The following SLC24A2 variants were observed in gnomAD, a reference collection of about 807,000 sequenced individuals.
SLC24A2 encodes solute carrier family 24 member 2.
A neutral mutation model predicts 62.0 loss-of-function variants in SLC24A2; 36 were observed. The observed-to-expected ratio is 0.58, with a 90% confidence interval of 0.44 to 0.77. SLC24A2 has a LOEUF of 0.77. Ranked by LOEUF, SLC24A2 falls within the 30% of genes least tolerant of loss-of-function variation. SLC24A2 has a pLI of 0.00. For synonymous variants in SLC24A2, 358 were observed against 294.0 expected, an observed-to-expected ratio of 1.22 and a Z score of -2.23; for missense variants, 846 against 817.9, an observed-to-expected ratio of 1.03 and a Z score of -0.42.
At chr9:20,029,018 G>C in the SLC24A2 span, among the ~76,000 whole-genome samples, 1 of 152,126 alleles carries the variant, frequency 6.6e-6, no homozygotes, top group African/African-American at 2.4e-5. Context: ...TGAAAGTTTG[G>C]GTGAACCTCT....
At chr9:20,186,999 A>AT in the SLC24A2 span, among the ~76,000 whole-genome samples, 28 of 152,112 alleles carry the variant, frequency 1.8e-4, no homozygotes, top group Non-Finnish European at 3.4e-4. Context: ...CTCTATGAAG[A>AT]TTTTTTAAAG....
chr9:19,632,255 C>T lies in SLC24A2; in HGVS notation c.931-9956G>A, dbSNP rs1408139224. Reference sequence around the variant, plus strand: ...GTCATAGGGAGTCCAGGCAAATTGTCATTTTATCTATGCCTACCTGGGATG... The same window carrying T: ...GTCATAGGGAGTCCAGGCAAATTGTTATTTTATCTATGCCTACCTGGGATG... On this transcript the variant is annotated intron_variant, in intron 2 of 10. Coordinates refer to ENST00000341998, the MANE Select transcript of SLC24A2 (RefSeq NM_020344.4). This position sits in a 1 kb window ranked among gnomAD's most constrained non-coding sequence, Gnocchi z 4.5. Among the ~76,000 whole-genome samples, 1 of 152,186 alleles carries T rather than the reference C, an allele frequency of 6.6e-6. No individual in the cohort carries two copies. The highest frequency in any genetic ancestry group is 1.5e-5 in the Non-Finnish European group (1 of 68,034).
intron 9 of SLC24A2, among the ~76,000 whole-genome samples, chr9:19,521,445 C>A (rs1032390270): frequency 3.3e-5 from 5 of 152,318 alleles, no homozygotes; most frequent in Middle Eastern, 6.8e-3. Context: ...GGAAGATTTG[C>A]CCTTCAACTT....
At chr9:20,221,998 G>C in the SLC24A2 span, among the ~76,000 whole-genome samples, 1 of 151,978 alleles carries the variant, frequency 6.6e-6, no homozygotes, top group Non-Finnish European at 1.5e-5. Flanking sequence ...AAATAATTAA[G>C]TATTTTGAAT....
At chr9:20,183,469 C>T in the SLC24A2 span, among the ~76,000 whole-genome samples, 4 of 152,162 alleles carry the variant, frequency 2.6e-5, no homozygotes, top group Admixed American at 2.6e-4. Context: ...ATGTTGGAGG[C>T]TCTGAGAAGA....
intron 9 of SLC24A2, among the ~76,000 whole-genome samples, chr9:19,526,258 G>A (rs117101226): frequency 0.064 from 9,695 of 152,186 alleles, 434 homozygotes; most frequent in Non-Finnish European, 0.1. Context: ...TCAGTTGATG[G>A]ACATTTGGGT....
At chr9:20,224,162 G>C in the SLC24A2 span, among the ~76,000 whole-genome samples, 1 of 151,942 alleles carries the variant, frequency 6.6e-6, no homozygotes, top group Non-Finnish European at 1.5e-5. Context: ...GGGACACAGA[G>C]CCAAACAATA....
At chr9:20,182,003 T>G in the SLC24A2 span, among the ~76,000 whole-genome samples, 2 of 152,228 alleles carry the variant, frequency 1.3e-5, no homozygotes, top group Admixed American at 1.3e-4. Context: ...AAGACATTTA[T>G]GTAGCCAACA....
intron 2 of SLC24A2, among the ~76,000 whole-genome samples, chr9:19,783,609 T>C (rs1338971580): frequency 1.3e-5 from 2 of 152,130 alleles, no homozygotes; most frequent in African/African-American, 4.8e-5. Flanking sequence ...TTATGTTCAG[T>C]GCCTGGGGGG....
chr9:20,142,355 C>T, the SLC24A2 span, among the ~76,000 whole-genome samples: 6 of 152,112 alleles, frequency 3.9e-5, no homozygotes, highest in South Asian at 2.1e-4. Context: ...ATTTGTGTTA[C>T]GTATTTTTTA....
At chr9:20,203,729 C>A in the SLC24A2 span, among the ~76,000 whole-genome samples, 128,496 of 151,844 alleles carry the variant, frequency 0.85, 54,752 homozygotes, top group Middle Eastern at 0.9. Context: ...GCAGCAGCAG[C>A]AGAAGAAGAA....
the SLC24A2 span, among the ~76,000 whole-genome samples, chr9:19,850,945 A>G: frequency 6.0e-4 from 13 of 21,690 alleles, no homozygotes; most frequent in African/African-American, 1.8e-3. Flanking sequence ...ATATATATAT[A>G]CATATATATA....
chr9:19,848,389 T>G, the SLC24A2 span, among the ~76,000 whole-genome samples: 6 of 152,228 alleles, frequency 3.9e-5, no homozygotes, highest in Non-Finnish European at 2.9e-5. Context: ...CCTGTACAAA[T>G]TATTTATTTT....
chr9:19,678,066 A>T (rs1334270173), intron 2 of SLC24A2, among the ~76,000 whole-genome samples: 2 of 152,156 alleles, frequency 1.3e-5, no homozygotes, highest in African/African-American at 2.4e-5. Context: ...GCTTAAGCAG[A>T]TGACTCAACC....
At chr9:19,837,561 T>C in the SLC24A2 span, among the ~76,000 whole-genome samples, 13 of 148,334 alleles carry the variant, frequency 8.8e-5, no homozygotes, top group East Asian at 2.2e-3. Context: ...TTGGAAGTTC[T>C]GGCCAGGGCA....
chr9:19,777,177 A>G (rs1285724572), intron 2 of SLC24A2, among the ~76,000 whole-genome samples: 1 of 152,228 alleles, frequency 6.6e-6, no homozygotes, highest in African/African-American at 2.4e-5. Context: ...CATCACAGCT[A>G]GCTTTAAAAT....
At chr9:19,720,669 T>C (rs971781104) in intron 2 of SLC24A2, among the ~76,000 whole-genome samples, 33 of 145,754 alleles carry the variant, frequency 2.3e-4, no homozygotes, top group African/African-American at 8.4e-4. Context: ...ACATATTGTA[T>C]ATTAACAATT....
At chr9:19,667,381 C>T (rs550331639) in intron 2 of SLC24A2, among the ~76,000 whole-genome samples, 7 of 152,312 alleles carry the variant, frequency 4.6e-5, no homozygotes, top group African/African-American at 1.7e-4. Flanking sequence ...CATTGCCCAA[C>T]CAGAGGCCTG....
chr9:19,972,467 C>T, the SLC24A2 span, among the ~76,000 whole-genome samples: 1 of 152,244 alleles, frequency 6.6e-6, no homozygotes, highest in East Asian at 1.9e-4. Context: ...GCATTGAATT[C>T]TAACTACAAC....
Sources: allele counts gnomAD v4.1 joint callset (sites outside exome capture counted in the v4.1 genomes callset), GRCh38; gene constraint gnomAD v4.1.1; non-coding constraint Gnocchi (gnomAD v3.1); transcripts MANE v1.5; gene names NCBI Gene and HGNC (gene_info 2026-07-23, HGNC 2026-07-21).